The following CDH2 variants were observed in gnomAD, a reference collection of about 807,000 sequenced individuals.
CDH2 encodes cadherin-2.
Under a neutral mutation model 92.0 loss-of-function variants are expected in CDH2, and 17 were observed. The observed-to-expected ratio is 0.18, with a 90% confidence interval of 0.13 to 0.28. The LOEUF is 0.28. CDH2 is among the 10% of genes least tolerant of loss of function. The pLI is 1.00. For missense variants in CDH2, 862 were observed against 1,133.1 expected (o/e 0.76, Z 3.44); for synonymous variants, 419 against 415.9 (o/e 1.01, Z -0.09).
In CDH2 at chr18:28,011,893, T is replaced by A; in HGVS notation, c.499A>T (p.Asn167Tyr). The change falls in exon 4 of 16, where the codon AAC becomes TAC. Residue 167 changes from asparagine (N) to tyrosine (Y), a missense_variant. This residue lies in a region of CDH2 where 21 missense variants were observed against 61.8 expected (regional missense o/e 0.34). Coordinates refer to ENST00000269141, the MANE Select transcript of CDH2 (RefSeq NM_001792.5). ...GGTCCCCTGGAGTTTTCTGGCAAGT[T>A]GATTGGAGGGATGACCCAGTCTCTC... is the stretch of plus-strand genomic sequence containing the variant. ...QKRDWVIPPI[N>Y]LPENSRGPFP... The A allele has an allele frequency of 6.2e-7, 1 of 1,614,090 alleles. No individual in the cohort carries two copies. The highest frequency in any genetic ancestry group is 2.2e-5 in the East Asian group (1 of 44,874).
At position 28,112,109 on chromosome 18, in the gene CDH2, C is replaced by T. The variant is rs1402978988; in HGVS notation, c.172+35564G>A. Among the ~76,000 whole-genome samples the T allele has an allele frequency of 2.0e-5, 3 of 152,152 alleles. No individual in the cohort carries two copies. In the South Asian group the frequency reaches 6.2e-4, roughly 32 times the overall value. Reference sequence around the variant, plus strand: ...ATATATTTAGCATTTAAGAAATGTACTATCAGTACACTGAAAGTATTTGGA... The same window carrying T: ...ATATATTTAGCATTTAAGAAATGTATTATCAGTACACTGAAAGTATTTGGA... On this transcript the variant is annotated intron_variant, in intron 2 of 15. Transcript: ENST00000269141.
At chr18:28,120,266 T>C (rs1211243579) in intron 2 of CDH2, among the ~76,000 whole-genome samples, 1 of 151,956 alleles carries the variant, frequency 6.6e-6, no homozygotes, top group Admixed American at 6.6e-5. Context: ...GTGTGTCATA[T>C]ATATATATTT....
intron 2 of CDH2, among the ~76,000 whole-genome samples, chr18:28,060,244 T>C (rs2014375911): frequency 6.6e-6 from 1 of 152,176 alleles, no homozygotes; most frequent in African/African-American, 2.4e-5. Context: ...TGGAGTGTAG[T>C]GGCACAATCT....
chr18:28,034,276 T>C (rs957654271), intron 2 of CDH2, among the ~76,000 whole-genome samples: 2 of 152,084 alleles, frequency 1.3e-5, no homozygotes, highest in African/African-American at 4.8e-5. Context: ...AGATTTGATA[T>C]CTTAACAAGT....
intron 2 of CDH2, among the ~76,000 whole-genome samples, chr18:28,122,980 A>G (rs1256198722): frequency 6.6e-6 from 1 of 152,132 alleles, no homozygotes; most frequent in African/African-American, 2.4e-5. Flanking sequence ...GATCATGATG[A>G]AAGTTTGTGA....
At chr18:28,176,641 C>A (rs2016546821) in intron 1 of CDH2, among the ~76,000 whole-genome samples, 1 of 152,072 alleles carries the variant, frequency 6.6e-6, no homozygotes, top group Non-Finnish European at 1.5e-5. Context: ...GGGAGTTATC[C>A]TGCCTCACCC....
intron 2 of CDH2, among the ~76,000 whole-genome samples, chr18:28,037,081 A>G (rs553216813): frequency 3.3e-4 from 51 of 152,346 alleles, no homozygotes; most frequent in African/African-American, 1.2e-3. Flanking sequence ...CAAAGTGCTT[A>G]CAACATAATT....
chr18:28,088,339 T>C (rs1339830205), intron 2 of CDH2, among the ~76,000 whole-genome samples: 2 of 152,184 alleles, frequency 1.3e-5, no homozygotes, highest in Non-Finnish European at 2.9e-5. Flanking sequence ...CAAAATCTAA[T>C]GTGAGAAATA....
intron 7 of CDH2, 70 bp downstream of exon 7, chr18:28,002,927 T>C: frequency 7.7e-7 from 1 of 1,298,556 alleles, no homozygotes; most frequent in Non-Finnish European, 1.1e-6. Context: ...GGAGATAAAA[T>C]GTATGTGATA....
chr18:28,144,695 C>T (rs972049014), intron 2 of CDH2, among the ~76,000 whole-genome samples: 1 of 152,070 alleles, frequency 6.6e-6, no homozygotes, highest in East Asian at 1.9e-4. Context: ...GTTTTGCTAA[C>T]AAAATGGGAC....
intron 2 of CDH2, among the ~76,000 whole-genome samples, chr18:28,026,857 C>T (rs963384245): frequency 3.9e-5 from 6 of 152,034 alleles, no homozygotes; most frequent in Admixed American, 6.6e-5. Flanking sequence ...AGTTTTTCTC[C>T]CCTTCCTAGA....
chr18:27,998,576 C>T (rs574279797), intron 7 of CDH2, among the ~76,000 whole-genome samples: 38 of 152,224 alleles, frequency 2.5e-4, no homozygotes, highest in Admixed American at 4.6e-4. Context: ...GGTGGAAAGC[C>T]GGACTTCAAG....
At chr18:28,053,658 C>A (rs2014236263) in intron 2 of CDH2, among the ~76,000 whole-genome samples, 1 of 152,216 alleles carries the variant, frequency 6.6e-6, no homozygotes, top group African/African-American at 2.4e-5. Context: ...TCTGAACAGG[C>A]TGCAGCCCCA....
chr18:27,978,989 A>C (rs2011947011), intron 14 of CDH2, among the ~76,000 whole-genome samples: 1 of 152,114 alleles, frequency 6.6e-6, no homozygotes, highest in Non-Finnish European at 1.5e-5. Flanking sequence ...AGCACTAACC[A>C]TAATGGAAAA....
chr18:28,130,070 G>A (rs1258054928), intron 2 of CDH2, among the ~76,000 whole-genome samples: 1 of 152,128 alleles, frequency 6.6e-6, no homozygotes. Flanking sequence ...CACCATGCCT[G>A]TACCTCACAG....
chr18:28,079,104 C>T (rs1039619093), intron 2 of CDH2, among the ~76,000 whole-genome samples: 2 of 152,266 alleles, frequency 1.3e-5, no homozygotes, highest in Admixed American at 6.5e-5. Context: ...ATAGTAAAAT[C>T]GTCTAACATT....
chr18:28,003,303 A>T (rs944032257), intron 6 of CDH2, 134 bp from the exon 7 acceptor site: 9 of 620,602 alleles, frequency 1.5e-5, no homozygotes, highest in Non-Finnish European at 1.9e-5. Context: ...TTTAGACTTG[A>T]TTAAAAATGC....
chr18:28,172,528 A>T (rs1298573605), intron 1 of CDH2, among the ~76,000 whole-genome samples: 2 of 152,230 alleles, frequency 1.3e-5, no homozygotes, highest in East Asian at 3.8e-4. Context: ...GTAGAAAAAA[A>T]CAGAAATGTG....
intron 7 of CDH2, among the ~76,000 whole-genome samples, chr18:27,995,650 A>G (rs2012558747): frequency 6.6e-6 from 1 of 152,212 alleles, no homozygotes; most frequent in South Asian, 2.1e-4. Flanking sequence ...AATCTTTAGA[A>G]TTATGTAAGC....
Sources: allele counts gnomAD v4.1 joint callset (sites outside exome capture counted in the v4.1 genomes callset), GRCh38; gene constraint gnomAD v4.1.1; regional missense constraint gnomAD v4.1.1; transcripts MANE v1.5; gene names NCBI Gene and HGNC (gene_info 2026-07-23, HGNC 2026-07-21).